The following USP48 variants were observed in gnomAD, a reference collection of about 807,000 sequenced individuals.
USP48 encodes the protein ubiquitin specific peptidase 48.
A neutral mutation model predicts 150.7 loss-of-function variants in USP48; 43 were observed. That is an observed-to-expected ratio of 0.29 (90% confidence interval 0.22 to 0.37). USP48 has a LOEUF of 0.37. Among genes scored for constraint, USP48 ranks in the 10% least tolerant of loss-of-function variants. The probability of loss-of-function intolerance (pLI) is 1.00; values close to 1 mark genes in which losing one functional copy is unlikely to be tolerated. For missense variants in USP48, 813 were observed against 1,249.6 expected (o/e 0.65, Z 5.27); for synonymous variants, 396 against 425.9 (o/e 0.93, Z 0.86).
intron 1 of USP48, among the ~76,000 whole-genome samples, chr1:21,771,591 G>A (rs901145668): frequency 6.6e-6 from 1 of 151,750 alleles, no homozygotes; most frequent in Admixed American, 6.6e-5. Flanking sequence ...TATCACTACA[G>A]AGTTATTCAA....
intron 9 of USP48, among the ~76,000 whole-genome samples, chr1:21,733,203 G>C (rs1257756783): frequency 6.6e-6 from 1 of 152,052 alleles, no homozygotes; most frequent in East Asian, 1.9e-4. Context: ...ATCACTTGAG[G>C]TCAGGAGTTT....
intron 12 of USP48, 66 bp downstream of exon 12, chr1:21,723,832 T>C: frequency 1.4e-6 from 2 of 1,421,360 alleles, no homozygotes; most frequent in Non-Finnish European, 1.9e-6. Context: ...GCCACACTCA[T>C]AAAGACCATA....
rs530509892 is a variant in USP48 at position 21,767,316 on chromosome 1, TTTTTTA to T, written c.135-9539_135-9534del. On this transcript the variant is annotated intron_variant, in intron 1 of 26. Transcript: ENST00000308271. ...GGCATGAGCCACTGTGCCTGGGACC[TTTTTTA>T]TTTTTATTTTTTGAGACGGTGTCTC... is the stretch of plus-strand genomic sequence containing the variant. 5.5e-3 allele frequency among the ~76,000 whole-genome samples: 831 copies of T among 152,164 alleles called. 5 individuals are homozygous for T. The highest frequency in any genetic ancestry group is 0.013 in the African/African-American group (533 of 41,504).
intron 19 of USP48, among the ~76,000 whole-genome samples, chr1:21,705,484 C>T (rs2097669584): frequency 6.6e-6 from 1 of 152,098 alleles, no homozygotes; most frequent in African/African-American, 2.4e-5. Context: ...GAAAGGGTGG[C>T]TGTGTTGTCT....
chr1:21,731,932 C>T (rs146841642), intron 9 of USP48, among the ~76,000 whole-genome samples: 1,868 of 152,110 alleles, frequency 0.012, 18 homozygotes, highest in Non-Finnish European at 0.018. Context: ...ATCTCTATGA[C>T]GTAAACAGCA....
intron 1 of USP48, among the ~76,000 whole-genome samples, chr1:21,775,306 G>T (rs900591261): frequency 1.3e-5 from 2 of 151,882 alleles, no homozygotes; most frequent in Non-Finnish European, 2.9e-5. Flanking sequence ...CTGTCACCCA[G>T]GTTGGCGTGC....
chr1:21,705,600 C>T, intron 19 of USP48, 127 bp downstream of exon 19: 2 of 656,768 alleles, frequency 3.0e-6, no homozygotes, highest in Non-Finnish European at 2.4e-6. Context: ...AAAAAAACCC[C>T]ACAATTCAGC....
chr1:21,744,593 C>A (rs543758689), intron 8 of USP48, among the ~76,000 whole-genome samples: 2 of 151,030 alleles, frequency 1.3e-5, no homozygotes, highest in East Asian at 3.9e-4. Context: ...CTGGTCAACA[C>A]AGTGAAACCC....
intron 8 of USP48, among the ~76,000 whole-genome samples, chr1:21,739,643 G>A (rs1282458198): frequency 6.6e-6 from 1 of 151,530 alleles, no homozygotes; most frequent in African/African-American, 2.4e-5. Context: ...CATTTTCTGT[G>A]GTGAGAACAC....
chr1:21,690,999 C>A (rs992364155), intron 23 of USP48, among the ~76,000 whole-genome samples: 1 of 152,082 alleles, frequency 6.6e-6, no homozygotes, highest in Non-Finnish European at 1.5e-5. Flanking sequence ...ATATGCCCCA[C>A]CCCAGTTCTG....
At chr1:21,744,076 G>A (rs1224232762) in intron 8 of USP48, among the ~76,000 whole-genome samples, 1 of 152,200 alleles carries the variant, frequency 6.6e-6, no homozygotes, top group Non-Finnish European at 1.5e-5. Context: ...CCAATAGACA[G>A]CATTAAAAAT....
intron 19 of USP48, among the ~76,000 whole-genome samples, chr1:21,705,180 C>T (rs538546435): frequency 1.3e-5 from 2 of 152,292 alleles, no homozygotes; most frequent in East Asian, 3.9e-4. Flanking sequence ...TCCTGATTTT[C>T]TGACAATGTT....
chr1:21,782,685 A>T lies in USP48; in HGVS notation c.134+139T>A, dbSNP rs1432056900. 2.3e-6 allele frequency: 3 copies of T among 1,317,698 alleles called. No individual in the cohort carries two copies. In the East Asian group the frequency reaches 8.9e-5, roughly 39 times the overall value. 81.6% of individuals were successfully genotyped at this position (1,317,698 alleles called of 1,614,324 possible). A position where few individuals can be genotyped will look rare whatever the true frequency, so the allele number is the denominator to read the frequency against. On this transcript the variant is annotated intron_variant, in intron 1 of 26. Transcript: ENST00000308271. The stretch of plus-strand genomic sequence containing the variant: ...GTTTCCCAGGTCGCGCAGACGGCGC[A>T]AAGGGGGAAACTCCACCTCGCTCGG...
intron 1 of USP48, among the ~76,000 whole-genome samples, chr1:21,771,481 T>C (rs930443326): frequency 1.3e-5 from 2 of 150,026 alleles, no homozygotes; most frequent in Admixed American, 1.3e-4. Flanking sequence ...ATTATTTATT[T>C]ATTTATTTTT....
chr1:21,696,655 C>T (rs936962452), intron 22 of USP48, among the ~76,000 whole-genome samples: 4 of 151,962 alleles, frequency 2.6e-5, no homozygotes, highest in Non-Finnish European at 5.9e-5. Context: ...TTAGGTAGGA[C>T]ACTGTCTTTA....
At position 21,687,206 on chromosome 1, in the gene USP48, C is replaced by T; in HGVS notation, c.3043G>A (p.Asp1015Asn). 6.2e-7 allele frequency: 1 copy of T among 1,613,164 alleles called. No homozygotes were observed. The highest frequency in any genetic ancestry group is 8.5e-7 in the Non-Finnish European group (1 of 1,179,430). Residue 1015 changes from aspartate (D) to asparagine (N), a missense_variant, in exon 25 of 27, where the codon GAT (aspartate) becomes AAT (asparagine). By Grantham distance (23) the Asp-to-Asn change is conservative (BLOSUM62 1). Transcript: ENST00000308271. ...TCATCTTTACCTTGCATGACATCAT[C>T]CATTGCAGCATAATCTGCAATTGGT... ...DEPIADYAAMDDVMQVCMPEE... is the reference protein window; with the variant it reads ...DEPIADYAAMNDVMQVCMPEE...
At chr1:21,684,668 T>C (rs549329815) in intron 25 of USP48, among the ~76,000 whole-genome samples, 3 of 64,320 alleles carry the variant, frequency 4.7e-5, no homozygotes, top group South Asian at 4.9e-4. Context: ...AGCAATTTCA[T>C]AGTTTCAAGT....
At chr1:21,716,720 A>C (rs1375239924) in intron 14 of USP48, among the ~76,000 whole-genome samples, 1 of 152,230 alleles carries the variant, frequency 6.6e-6, no homozygotes, top group Non-Finnish European at 1.5e-5. Flanking sequence ...AGAATCCTTA[A>C]GTATGATTAA....
intron 6 of USP48, among the ~76,000 whole-genome samples, chr1:21,749,712 C>G (rs2097804271): frequency 6.6e-6 from 1 of 152,180 alleles, no homozygotes; most frequent in Non-Finnish European, 1.5e-5. Flanking sequence ...AGGCAATTCT[C>G]CAGCCTCAGC....
Sources: allele counts gnomAD v4.1 joint callset (sites outside exome capture counted in the v4.1 genomes callset), GRCh38; gene constraint gnomAD v4.1.1; transcripts MANE v1.5; gene names NCBI Gene and HGNC (gene_info 2026-07-23, HGNC 2026-07-21).